CATSPERG: variants seen among roughly 807,000 people sequenced by gnomAD.
CATSPERG encodes catsper channel auxiliary subunit gamma, also known as cation channel sperm-associated auxiliary subunit gamma.
A neutral mutation model predicts 145.0 loss-of-function variants in CATSPERG; 115 were observed. The observed-to-expected ratio is 0.79, with a 90% CI of 0.68 to 0.93. The LOEUF (loss-of-function observed/expected upper bound fraction) is 0.93, where lower values mean the gene tolerates loss of function less well. CATSPERG is among the 40% of genes least tolerant of loss of function. The pLI is 0.00. For synonymous variants in CATSPERG, 588 were observed against 589.0 expected (o/e 1.00, Z 0.02); for missense variants, 1,296 against 1,490.1 (o/e 0.87, Z 2.14).
intron 1 of CATSPERG, chr19:38,337,005 A>C: frequency 2.0e-5 from 11 of 563,720 alleles, no homozygotes; most frequent in East Asian, 3.1e-5. Context: ...GGAGCCAGGA[A>C]CAAGAGCAGA....
chr19:38,357,142 G>C (rs1231650241), intron 11 of CATSPERG, among the ~76,000 whole-genome samples: 1 of 152,108 alleles, frequency 6.6e-6, no homozygotes, highest in African/African-American at 2.4e-5. Context: ...CCAACCGAGG[G>C]GTCAGAGGAG....
chr19:38,359,744 CAG>C (rs1970311384), intron 14 of CATSPERG, 163 bp downstream of exon 14: 2 of 1,374,388 alleles, frequency 1.5e-6, no homozygotes, highest in Admixed American at 5.9e-5. Flanking sequence ...TCCTGGAACT[CAG>C]GGTAAGTGTC....
At chr19:38,370,305 C>T (rs374948731) in intron 28 of CATSPERG, 47 bp downstream of exon 28, 15 of 1,546,224 alleles carry the variant, frequency 9.7e-6, no homozygotes, top group South Asian at 4.5e-5. Context: ...CAGGGGCCCA[C>T]GCCTCCATAC....
Position 38,362,231 on chromosome 19 carries a change from G to A in CATSPERG, c.2116G>A (p.Asp706Asn). The change falls in exon 18 of 29, where the codon GAC becomes AAC. Residue 706 changes from aspartate (D) to asparagine (N), a missense_variant. Asp to Asn is a conservative substitution (Grantham distance 23). Coordinates refer to ENST00000409235, the MANE Select transcript of CATSPERG (RefSeq NM_021185.5). ...YDKPYADPVH[D>N]PTWRWWANNK... ...GCAGCCGTACGCGGACCCGGTGCAC[G>A]ACCCCACCTGGCGCTGGTGGGCGAA... The A allele has an allele frequency of 6.2e-7, 1 of 1,607,952 alleles. No homozygotes were observed. The highest frequency in any genetic ancestry group is 1.1e-5 in the South Asian group (1 of 90,510).
chr19:38,370,007 A>G lies in CATSPERG; in HGVS notation c.3056A>G (p.Asn1019Ser), dbSNP rs1970518449. 1.2e-6 allele frequency: 2 copies of G among 1,614,246 alleles called. No homozygotes were observed. Among genetic ancestry groups the G allele is most frequent in the Non-Finnish European group, 1.7e-6 (2 of 1,180,042 alleles). The part of the protein sequence containing the change: ...LCLENAPCYD[N>S]VPQGIFAPEF... ...CTGGAGAATGCCCCATGCTATGACA[A>G]TGTTCCCCAAGGCATCTTTGCCCCT... Residue 1019 changes from asparagine (N) to serine (S), a missense_variant, in exon 27 of 29, where the codon AAT (asparagine) becomes AGT (serine). Transcript: ENST00000409235.
chr19:38,370,009 G>A lies in CATSPERG; in HGVS notation c.3058G>A (p.Val1020Ile). ...GGAGAATGCCCCATGCTATGACAAT[G>A]TTCCCCAAGGCATCTTTGCCCCTGA... is the stretch of plus-strand genomic sequence containing the variant. Reference protein sequence around the residue: ...CLENAPCYDNVPQGIFAPEFF... With the variant: ...CLENAPCYDNIPQGIFAPEFF... The change falls in exon 27 of 29, where the codon GTT becomes ATT. Residue 1020 changes from valine (V) to isoleucine (I), a missense_variant. Transcript: ENST00000409235. The A allele has an allele frequency of 5.0e-6, 8 of 1,614,228 alleles. No homozygotes were observed. Among genetic ancestry groups the A allele is most frequent in the Middle Eastern group, 1.6e-4 (1 of 6,062 alleles).
intron 7 of CATSPERG, among the ~76,000 whole-genome samples, chr19:38,350,853 G>A (rs182736316): frequency 2.0e-5 from 3 of 152,246 alleles, no homozygotes; most frequent in East Asian, 3.9e-4. Context: ...GCCAGGCATG[G>A]TGGTGGGCAC....
In CATSPERG at chr19:38,370,066, T is replaced by G. The variant is rs1176398786; in HGVS notation, c.3113+2T>G. ...CTTCAAGGTGTTGGTGAGCAATAGG[T>G]GAGCCAGGCAAGTGGCCCAGGTGCG... On this transcript the variant is annotated splice_donor_variant, in intron 27 of 28. Transcript: ENST00000409235. LOFTEE classifies it high-confidence loss of function. 2 of 1,614,148 alleles carry G rather than the reference T, an allele frequency of 1.2e-6. No individual in the cohort carries two copies. The highest frequency in any genetic ancestry group is 2.2e-5 in the South Asian group (2 of 91,084).
At chr19:38,351,710 C>G (rs1041330838) in intron 7 of CATSPERG, among the ~76,000 whole-genome samples, 4 of 151,730 alleles carry the variant, frequency 2.6e-5, no homozygotes, top group African/African-American at 9.7e-5. Context: ...AGTTCAAGAC[C>G]AGCCTGGGTA....
Position 38,370,147 on chromosome 19 carries a change from C to G in CATSPERG, c.3114-12C>G. ...TCTCCTCTAATCCTGGATCCCCTCC[C>G]AACCCCTGCAGAGGAGTGGACACGA... is the stretch of plus-strand genomic sequence containing the variant. On this transcript the variant is annotated splice_polypyrimidine_tract_variant and intron_variant, in intron 27 of 28. Coordinates refer to ENST00000409235, the MANE Select transcript of CATSPERG (RefSeq NM_021185.5). 6.2e-7 allele frequency: 1 copy of G among 1,613,764 alleles called. No individual in the cohort carries two copies. The highest frequency in any genetic ancestry group is 8.5e-7 in the Non-Finnish European group (1 of 1,179,834).
At position 38,367,153 on chromosome 19, in the gene CATSPERG, G is replaced by A. The variant is rs754891487; in HGVS notation, c.2614-3G>A. 21 of 1,609,880 alleles carry A rather than the reference G, an allele frequency of 1.3e-5. No homozygotes were observed. The South Asian group carries it at 1.8e-4, about 14-fold the overall frequency. On this transcript the variant is annotated splice_polypyrimidine_tract_variant and splice_region_variant and intron_variant, in intron 22 of 28. Coordinates refer to ENST00000409235, the MANE Select transcript of CATSPERG (RefSeq NM_021185.5). ...CCTGTGAGCCTTTTTTCCTCCCACC[G>A]AGGGCAACCTGATGGTGCCAGTGTT...
At position 38,370,653 on chromosome 19, in the gene CATSPERG, A is replaced by C; in HGVS notation, c.3341A>C (p.Tyr1114Ser). Residue 1114 changes from tyrosine to serine, a missense_variant, in exon 29 of 29, where the codon TAC becomes TCC. Coordinates refer to ENST00000409235, the MANE Select transcript of CATSPERG (RefSeq NM_021185.5). ...KINNLIASESYYTYASISGIS... is the reference protein window; with the variant it reads ...KINNLIASESSYTYASISGIS... ...AACAACCTCATTGCCTCAGAATCCT[A>C]CTACACCTACGCCTCCATTTCCGGA... 1.2e-6 allele frequency: 2 copies of C among 1,613,920 alleles called. No homozygotes were observed. Among genetic ancestry groups the C allele is most frequent in the Non-Finnish European group, 1.7e-6 (2 of 1,180,008 alleles).
At chr19:38,365,991 G>T (rs564050997) in intron 22 of CATSPERG, 1 of 152,312 alleles carries the variant, frequency 6.6e-6, no homozygotes, top group Non-Finnish European at 1.5e-5. Flanking sequence ...TTACAGGTGT[G>T]AGCCACCGTG....
intron 14 of CATSPERG, chr19:38,360,271 C>G: frequency 2.0e-6 from 2 of 985,280 alleles, no homozygotes; most frequent in Non-Finnish European, 2.4e-6. Context: ...AAAAAGTGAT[C>G]ATAGTGTGTG....
At chr19:38,353,198 G>A (rs1468602096) in intron 8 of CATSPERG, among the ~76,000 whole-genome samples, 2 of 151,768 alleles carry the variant, frequency 1.3e-5, no homozygotes, top group Non-Finnish European at 2.9e-5. Flanking sequence ...GCCGGGCATT[G>A]TGGTGGGCAC....
At position 38,356,254 on chromosome 19, in the gene CATSPERG, G is replaced by A. The variant is rs377530444; in HGVS notation, c.1136-230G>A. Among the ~76,000 whole-genome samples the A allele has an allele frequency of 5.3e-4, 81 of 152,156 alleles. No homozygotes were observed. The East Asian group carries it at 8.7e-3, about 16-fold the overall frequency. ...ACAAATCCCAGAGTAAACTCTGATCGGCCCACCGTGGGTCACATGGCCAGA... is the reference window on the plus strand; with the variant it reads ...ACAAATCCCAGAGTAAACTCTGATCAGCCCACCGTGGGTCACATGGCCAGA... On this transcript the variant is annotated intron_variant, in intron 9 of 28. Transcript: ENST00000409235.
intron 1 of CATSPERG, among the ~76,000 whole-genome samples, chr19:38,336,820 G>A (rs965343045): frequency 6.6e-6 from 1 of 152,110 alleles, no homozygotes; most frequent in Non-Finnish European, 1.5e-5. Context: ...TGAGGATAAA[G>A]TTAAAGGAAG....
Position 38,370,064 on chromosome 19 carries a change from G to C in CATSPERG, c.3113G>C (p.Arg1038Thr). ...EFFFKVLVSNRGVDTSTYCNY... is the reference protein window; with the variant it reads ...EFFFKVLVSNTGVDTSTYCNY... Reference sequence around the variant, plus strand: ...TTCTTCAAGGTGTTGGTGAGCAATAGGTGAGCCAGGCAAGTGGCCCAGGTG... The same window carrying C: ...TTCTTCAAGGTGTTGGTGAGCAATACGTGAGCCAGGCAAGTGGCCCAGGTG... The change falls in exon 27 of 29, where the codon AGA (arginine) becomes ACA (threonine). Residue 1038 changes from arginine to threonine, a missense_variant and splice_region_variant. Physicochemically the swap from Arg to Thr is moderately conservative, Grantham distance 71. Transcript: ENST00000409235. The C allele has an allele frequency of 1.9e-6, 3 of 1,614,142 alleles. No homozygotes were observed. Among genetic ancestry groups the C allele is most frequent in the Non-Finnish European group, 2.5e-6 (3 of 1,180,000 alleles).
At chr19:38,366,988 CA>C in intron 22 of CATSPERG, 167 bp from the exon 23 acceptor site, 1 of 634,232 alleles carries the variant, frequency 1.6e-6, no homozygotes, top group East Asian at 2.8e-5. Flanking sequence ...GCCACTGCAC[CA>C]GGCCGTGTTA....
Sources: allele counts gnomAD v4.1 joint callset (sites outside exome capture counted in the v4.1 genomes callset), GRCh38; gene constraint gnomAD v4.1.1; transcripts MANE v1.5; gene names NCBI Gene and HGNC (gene_info 2026-07-23, HGNC 2026-07-21).